Variants in FANCB observed in about 807,000 individuals in gnomAD.
The protein encoded by FANCB is FA complementation group B, also known as Fanconi anemia group B protein.
Under a neutral mutation model 38.9 loss-of-function variants are expected in FANCB, and 5 were observed. That is an observed-to-expected ratio of 0.13 (90% CI 0.07 to 0.27). The LOEUF is 0.27. Among genes scored for constraint, FANCB ranks in the 10% least tolerant of loss-of-function variants. The pLI, the probability that FANCB is intolerant of heterozygous loss-of-function variation, is 1.00. For synonymous variants in FANCB, 236 were observed against 215.4 expected (o/e 1.10, Z -0.84); for missense variants, 573 against 602.7 (o/e 0.95, Z 0.52).
the FANCB span, among the ~76,000 whole-genome samples, chrX:14,753,227 A>G: frequency 6.3e-5 from 7 of 111,571 alleles, no homozygotes; most frequent in Admixed American, 2.9e-4. Context: ...AATGTCCTTT[A>G]AAGCATTACC....
At chrX:14,782,528 T>C in the FANCB span, among the ~76,000 whole-genome samples, 1 of 112,257 alleles carries the variant, frequency 8.9e-6, no homozygotes, top group East Asian at 2.8e-4. Context: ...GGTTCAGGAA[T>C]AATTTGTGAC....
chrX:14,800,459 A>G, the FANCB span, among the ~76,000 whole-genome samples: 2 of 111,649 alleles, frequency 1.8e-5, no homozygotes, highest in African/African-American at 6.5e-5. Context: ...AATCCTCTAG[A>G]GCTTTCAGAG....
chrX:14,738,173 C>T, the FANCB span, among the ~76,000 whole-genome samples: 1 of 112,242 alleles, frequency 8.9e-6, no homozygotes, highest in African/African-American at 3.2e-5. Context: ...TTCTAGACTA[C>T]ATTCAGTGAA....
At chrX:14,757,697 C>T in the FANCB span, among the ~76,000 whole-genome samples, 1 of 111,863 alleles carries the variant, frequency 8.9e-6, no homozygotes, top group African/African-American at 3.3e-5. Context: ...TCTCAGTCCC[C>T]AGGAAAGCCA....
the FANCB span, among the ~76,000 whole-genome samples, chrX:14,756,949 G>T: frequency 3.3e-4 from 37 of 111,466 alleles, 1 homozygote; most frequent in Middle Eastern, 9.2e-3. Flanking sequence ...CACAAAAATG[G>T]CCAACAGGGA....
chrX:14,812,315 A>G, the FANCB span, among the ~76,000 whole-genome samples: 1 of 110,796 alleles, frequency 9.0e-6, no homozygotes, highest in Non-Finnish European at 1.9e-5. Context: ...AACTAAAATC[A>G]GAGCAGAACT....
chrX:14,815,852 C>A, the FANCB span, among the ~76,000 whole-genome samples: 2 of 112,079 alleles, frequency 1.8e-5, no homozygotes, highest in East Asian at 2.8e-4. Context: ...GAAATAATGT[C>A]TTTTGCAGCA....
chrX:14,803,961 A>G, the FANCB span, among the ~76,000 whole-genome samples: 5 of 111,639 alleles, frequency 4.5e-5, no homozygotes, highest in Non-Finnish European at 7.5e-5. Context: ...TTAGAATGGC[A>G]ATCATTAAAA....
At chrX:14,735,299 C>T in the FANCB span, among the ~76,000 whole-genome samples, 2 of 110,872 alleles carry the variant, frequency 1.8e-5, no homozygotes, top group East Asian at 5.7e-4. Context: ...GATCCTTTGG[C>T]AGAGAAGAGG....
At chrX:14,757,085 T>C in the FANCB span, among the ~76,000 whole-genome samples, 2 of 112,461 alleles carry the variant, frequency 1.8e-5, no homozygotes, top group African/African-American at 6.5e-5. Context: ...CTAGTGTGGA[T>C]GTAGAGAGGG....
the FANCB span, among the ~76,000 whole-genome samples, chrX:14,755,298 C>T: frequency 9.0e-6 from 1 of 111,232 alleles, no homozygotes; most frequent in Non-Finnish European, 1.9e-5. Flanking sequence ...GATCATAGAA[C>T]AATTATGCAA....
At chrX:14,841,752 T>C (rs1401259624), downstream of FANCB, among the ~76,000 whole-genome samples, 1 of 111,691 alleles carries the variant, frequency 9.0e-6, no homozygotes, top group East Asian at 2.8e-4. Context: ...AAGACACAAC[T>C]GAATCATGAA....
chrX:14,725,163 A>G, the FANCB span, among the ~76,000 whole-genome samples: 1 of 111,961 alleles, frequency 8.9e-6, no homozygotes, highest in African/African-American at 3.2e-5. Flanking sequence ...AACAGGACTG[A>G]CCATGGTTTT....
chrX:14,773,126 C>T, the FANCB span, among the ~76,000 whole-genome samples: 1 of 112,349 alleles, frequency 8.9e-6, no homozygotes, highest in Non-Finnish European at 1.9e-5. Context: ...ACTGCAGATG[C>T]TTCTAATCAG....
In FANCB at chrX:14,871,619, T is replaced by C. The variant is rs777191154; in HGVS notation, c.-192+1367A>G. 5.0e-5 allele frequency among the ~76,000 whole-genome samples: 3 copies of C among 59,556 alleles called. No homozygotes were observed. The South Asian group carries it at 1.6e-3, about 32-fold the overall frequency. The allele number at this position is 59,556 out of a possible 115,157, so 51.7% of individuals were successfully genotyped here. On this transcript the variant is annotated intron_variant, in intron 1 of 9. Coordinates refer to ENST00000650831, the MANE Select transcript of FANCB (RefSeq NM_001018113.3). ...GGAATGAATTAGATCTATCTATCTA[T>C]ATATGTGTGTGTGTGTGTGTGTATA...
At chrX:14,796,840 T>C in the FANCB span, among the ~76,000 whole-genome samples, 1 of 109,470 alleles carries the variant, frequency 9.1e-6, no homozygotes, top group African/African-American at 3.3e-5. Flanking sequence ...GCCAATGATA[T>C]AGTTCCAGTC....
the FANCB span, among the ~76,000 whole-genome samples, chrX:14,775,819 T>C: frequency 2.7e-5 from 3 of 111,888 alleles, no homozygotes; most frequent in South Asian, 3.8e-4. Context: ...GCATCCACAA[T>C]TGGACAAGTG....
chrX:14,758,571 C>T, the FANCB span, among the ~76,000 whole-genome samples: 1 of 112,093 alleles, frequency 8.9e-6, no homozygotes, highest in Admixed American at 9.4e-5. Context: ...CTCCCCAGTA[C>T]CGACCTGGAG....
chrX:14,786,843 G>T, the FANCB span, among the ~76,000 whole-genome samples: 1 of 111,176 alleles, frequency 9.0e-6, no homozygotes, highest in Non-Finnish European at 1.9e-5. Flanking sequence ...ATGTCTCCAG[G>T]TTTATGACAT....
Sources: gnomAD v4.1 joint callset for allele counts (sites outside exome capture counted in the v4.1 genomes callset) on GRCh38, gnomAD v4.1.1 for gene constraint, MANE v1.5 for transcripts, NCBI Gene and HGNC (gene_info 2026-07-23, HGNC 2026-07-21) for gene names.